NUP107: variants seen among roughly 807,000 people sequenced by gnomAD.
NUP107 encodes the protein nucleoporin 107.
In NUP107, 101 loss-of-function variants were observed where a neutral mutation model predicts 141.0. That is an observed-to-expected ratio of 0.72 (90% confidence interval 0.61 to 0.84). The LOEUF is 0.84. Ranked by LOEUF, NUP107 falls within the 40% of genes least tolerant of loss-of-function variation. The pLI is 0.00. For missense variants in NUP107, 941 were observed against 1,102.7 expected, an observed-to-expected ratio of 0.85 and a Z score of 2.08; for synonymous variants, 319 against 363.9, an observed-to-expected ratio of 0.88 and a Z score of 1.41.
At chr12:68,733,831 A>T (rs565776370) in intron 24 of NUP107, among the ~76,000 whole-genome samples, 2 of 152,356 alleles carry the variant, frequency 1.3e-5, no homozygotes, top group Non-Finnish European at 2.9e-5. Context: ...CTCACATGGT[A>T]GATAGTGTCT....
In NUP107 at chr12:68,742,487, T is replaced by C; in HGVS notation, c.*25T>C. 8.0e-7 allele frequency: 1 copy of C among 1,249,654 alleles called. No homozygotes were observed. The highest frequency in any genetic ancestry group is 1.1e-6 in the Non-Finnish European group (1 of 888,930). The allele number at this position is 1,249,654 out of a possible 1,614,324, so 77.4% of individuals were successfully genotyped here. A position where few individuals can be genotyped will look rare whatever the true frequency, so the allele number is the denominator to read the frequency against. On this transcript the variant is annotated 3_prime_UTR_variant, in exon 28 of 28. Coordinates refer to ENST00000229179, the MANE Select transcript of NUP107 (RefSeq NM_020401.4). ...GTTTAATCTTTGTAATCTCACTAAT[T>C]TTCATGATAAATGAAGTTTTTAATA...
chr12:68,690,501 G>A (rs967989252), intron 3 of NUP107, 130 bp from the exon 4 acceptor site: 3 of 1,123,824 alleles, frequency 2.7e-6, no homozygotes, highest in African/African-American at 3.1e-5. Context: ...AACATTTAAA[G>A]TATTTATTTG....
At chr12:68,721,523 A>G (rs1277151400) in intron 15 of NUP107, among the ~76,000 whole-genome samples, 2 of 152,182 alleles carry the variant, frequency 1.3e-5, no homozygotes, top group African/African-American at 4.8e-5. Context: ...GTTGTCTTAC[A>G]TACGCATGTT....
rs1592490348 is a variant in NUP107, at chr12:68,691,838, A to C, written c.304-130A>C. The C allele has an allele frequency of 9.3e-6, 7 of 753,300 alleles. No homozygotes were observed. In the East Asian group the frequency reaches 2.1e-4, roughly 22 times the overall value. 46.7% of individuals were successfully genotyped at this position (753,300 alleles called of 1,614,324 possible). ...AACAGATCCAGACCTTATCTCAAGA[A>C]GGGAAAAAAAAAAAAAAAGACGCAT... On this transcript the variant is annotated intron_variant, in intron 4 of 27. Coordinates refer to ENST00000229179, the MANE Select transcript of NUP107 (RefSeq NM_020401.4).
chr12:68,715,205 A>G (rs2136024739), intron 11 of NUP107, among the ~76,000 whole-genome samples: 1 of 152,278 alleles, frequency 6.6e-6, no homozygotes, highest in South Asian at 2.1e-4. Context: ...AATTGAAACA[A>G]TTTATTTCAG....
chr12:68,734,650 CG>C, intron 24 of NUP107, 57 bp from the exon 25 acceptor site: 1 of 1,304,878 alleles, frequency 7.7e-7, no homozygotes, highest in Non-Finnish European at 1.0e-6. Context: ...GTTGGTGAAA[CG>C]ATAAAAGTGA....
chr12:68,729,431 T>C (rs1398689536), intron 20 of NUP107, among the ~76,000 whole-genome samples: 1 of 152,016 alleles, frequency 6.6e-6, no homozygotes, highest in African/African-American at 2.4e-5. Context: ...CATACCTTTT[T>C]TTTTATTTTT....
chr12:68,725,833 G>GT, intron 18 of NUP107, 37 bp downstream of exon 18: 4 of 866,174 alleles, frequency 4.6e-6, no homozygotes, highest in Non-Finnish European at 6.6e-6. Context: ...TGTTTTTTGT[G>GT]TGTGTTTTTT....
chr12:68,700,713 GT>G lies in NUP107; in HGVS notation c.553-7del. 1 of 1,565,916 alleles carries G rather than the reference GT, an allele frequency of 6.4e-7. No homozygotes were observed. Among genetic ancestry groups the G allele is most frequent in the South Asian group, 1.2e-5 (1 of 81,588 alleles). On this transcript the variant is annotated splice_polypyrimidine_tract_variant and intron_variant, in intron 6 of 27. Transcript: ENST00000229179. ...AGAAAATTAACCTCTTTACATCTGT[GT>G]TTTTTATTCAGGTGAATATACTGAG...
At chr12:68,727,535 A>G in intron 20 of NUP107, 146 bp downstream of exon 20, 1 of 513,050 alleles carries the variant, frequency 1.9e-6, no homozygotes, top group South Asian at 3.5e-5. Context: ...TGACCTTTGA[A>G]TAATGCAGGG....
chr12:68,713,724 T>C lies in NUP107; in HGVS notation c.891-6T>C. ...TAAAAAATTTGGTACTTATTATTTC[T>C]TTCAGGGAAAATACTCTGCATACCT... is the stretch of plus-strand genomic sequence containing the variant. On this transcript the variant is annotated splice_region_variant and splice_polypyrimidine_tract_variant and intron_variant, in intron 10 of 27. Coordinates refer to ENST00000229179, the MANE Select transcript of NUP107 (RefSeq NM_020401.4). 6.3e-7 allele frequency: 1 copy of C among 1,589,976 alleles called. No homozygotes were observed. The highest frequency in any genetic ancestry group is 8.5e-7 in the Non-Finnish European group (1 of 1,172,514).
chr12:68,704,619 A>C (rs1392842745), intron 8 of NUP107, among the ~76,000 whole-genome samples: 3 of 151,700 alleles, frequency 2.0e-5, no homozygotes, highest in Non-Finnish European at 4.4e-5. Context: ...ACACCCGGCT[A>C]ATTTTTGTAC....
At chr12:68,718,957 C>T (rs984130447) in intron 12 of NUP107, among the ~76,000 whole-genome samples, 11 of 152,046 alleles carry the variant, frequency 7.2e-5, no homozygotes, top group African/African-American at 2.7e-4. Context: ...GGCGCAATTT[C>T]GGCTCACTGC....
chr12:68,698,534 AG>A (rs1876177749), intron 6 of NUP107, among the ~76,000 whole-genome samples: 2 of 152,256 alleles, frequency 1.3e-5, no homozygotes, highest in Non-Finnish European at 2.9e-5. Context: ...ACAACTTGAA[AG>A]CAACCAAGAT....
intron 6 of NUP107, among the ~76,000 whole-genome samples, chr12:68,697,441 A>G (rs1350360204): frequency 7.5e-6 from 1 of 133,646 alleles, no homozygotes; most frequent in East Asian, 2.5e-4. Flanking sequence ...TCTAAAATAT[A>G]CGAGGAATAT....
rs773540171 is a variant in NUP107, at chr12:68,724,912, TA to T, written c.1507-814del. ...AGTATAGAACTGACATGAAAATAAA[TA>T]GATGAGTGGAACACAAAGTCCAAAC... On this transcript the variant is annotated intron_variant, in intron 17 of 27. Coordinates refer to ENST00000229179, the MANE Select transcript of NUP107 (RefSeq NM_020401.4). 7.0e-4 allele frequency among the ~76,000 whole-genome samples: 106 copies of T among 152,140 alleles called. 1 individual carries two copies. The highest frequency in any genetic ancestry group is 2.6e-4 in the Non-Finnish European group (18 of 67,966).
Position 68,700,759 on chromosome 12 carries a change from A to G in NUP107, c.586A>G (p.Thr196Ala). The G allele has an allele frequency of 6.2e-7, 1 of 1,611,450 alleles. No individual in the cohort carries two copies. Among genetic ancestry groups the G allele is most frequent in the South Asian group, 1.1e-5 (1 of 90,436 alleles). The change falls in exon 7 of 28, where the codon ACA (threonine) becomes GCA (alanine). Residue 196 changes from threonine to alanine, a missense_variant. Transcript: ENST00000229179. ...NILSKIVSRATPGLQKFSKTA... is the reference protein window; with the variant it reads ...NILSKIVSRAAPGLQKFSKTA... ...ACTGAGTAAAATAGTGAGTCGAGCAACACCTGGACTTCAAAAATTTTCAAA... is the reference window on the plus strand; with the variant it reads ...ACTGAGTAAAATAGTGAGTCGAGCAGCACCTGGACTTCAAAAATTTTCAAA...
intron 5 of NUP107, among the ~76,000 whole-genome samples, chr12:68,693,356 C>T (rs1357585549): frequency 2.0e-5 from 3 of 152,238 alleles, no homozygotes; most frequent in East Asian, 1.9e-4. Context: ...AGATTACAGG[C>T]GTAAGCCACT....
chr12:68,730,411 G>A (rs1005099196), intron 20 of NUP107, among the ~76,000 whole-genome samples: 1 of 151,802 alleles, frequency 6.6e-6, no homozygotes, highest in Non-Finnish European at 1.5e-5. Context: ...TAGAGACAGG[G>A]TTTTGTCTTG....
Sources: allele counts gnomAD v4.1 joint callset (sites outside exome capture counted in the v4.1 genomes callset), GRCh38; gene constraint gnomAD v4.1.1; transcripts MANE v1.5; gene names NCBI Gene and HGNC (gene_info 2026-07-23, HGNC 2026-07-21).